Variants in COG3 observed in about 807,000 individuals in gnomAD.
COG3 encodes the protein component of oligomeric golgi complex 3.
A neutral mutation model predicts 114.1 loss-of-function variants in COG3; 32 were observed. The observed-to-expected ratio is 0.28, with a 90% CI of 0.21 to 0.38. The LOEUF (loss-of-function observed/expected upper bound fraction) is 0.38, where lower values mean the gene tolerates loss of function less well. Among genes scored for constraint, COG3 ranks in the 10% least tolerant of loss-of-function variants. The probability of loss-of-function intolerance (pLI) is 1.00; values close to 1 mark genes in which losing one functional copy is unlikely to be tolerated. For synonymous variants in COG3, 352 were observed against 365.7 expected (o/e 0.96, Z 0.43); for missense variants, 813 against 973.2 (o/e 0.84, Z 2.19).
rs548827057 is a variant in COG3, at chr13:45,493,428, G to C, written c.1269G>C (p.Leu423=). 1 of 1,613,400 alleles carries C rather than the reference G, an allele frequency of 6.2e-7. No homozygotes were observed. The highest frequency in any genetic ancestry group is 8.5e-7 in the Non-Finnish European group (1 of 1,179,550). Residue 423 remains leucine (L), a synonymous_variant, in exon 12 of 23, where the codon CTG becomes CTC. Coordinates refer to ENST00000349995, the MANE Select transcript of COG3 (RefSeq NM_031431.4). Reference sequence around the variant, plus strand: ...TTCATGTTATTCACTTAGAGACTCTGTCGGAACTTTGTGGGATTCTTAAAA... The same window carrying C: ...TTCATGTTATTCACTTAGAGACTCTCTCGGAACTTTGTGGGATTCTTAAAA... ...LIIHVIHLET[L]SELCGILKNE... is the part of the protein sequence containing the mutation.
At chr13:45,508,399 T>TACACACAC (rs1368357655) in intron 14 of COG3, among the ~76,000 whole-genome samples, 1 of 99,232 alleles carries the variant, frequency 1.0e-5, no homozygotes, top group Non-Finnish European at 1.9e-5. Context: ...TATATATATA[T>TACACACAC]ATATACACAC....
Position 45,529,876 on chromosome 13 carries a change from A to G in COG3, c.2316A>G (p.Leu772=), listed in dbSNP as rs765583488. The G allele has an allele frequency of 1.2e-6, 2 of 1,612,986 alleles. No individual in the cohort carries two copies. Among genetic ancestry groups the G allele is most frequent in the East Asian group, 4.5e-5 (2 of 44,836 alleles). The change falls in exon 21 of 23, where the codon CTA becomes CTG. Residue 772 remains leucine (L), a synonymous_variant. Transcript: ENST00000349995. ...CATTGAGAAGTATGTCCTTGTACCTATCCAATAAAGATACCGAGTTCATCT... is the reference window on the plus strand; with the variant it reads ...CATTGAGAAGTATGTCCTTGTACCTGTCCAATAAAGATACCGAGTTCATCT... The part of the protein sequence containing the change: ...PVTLRSMSLY[L]SNKDTEFILF...
At chr13:45,511,045 T>G (rs2860392) in intron 15 of COG3, among the ~76,000 whole-genome samples, 137,545 of 152,250 alleles carry the variant, frequency 0.9, 62,260 homozygotes, top group African/African-American at 0.94. Context: ...AGGCTGGGAG[T>G]GAAGCAAGGG....
chr13:45,491,339 A>G, intron 9 of COG3, 73 bp from the exon 10 acceptor site: 1 of 1,511,448 alleles, frequency 6.6e-7, no homozygotes, highest in Non-Finnish European at 8.9e-7. Flanking sequence ...TTGGCAACCT[A>G]CACTGGGATT....
chr13:45,505,153 C>T (rs1043275543), intron 14 of COG3, among the ~76,000 whole-genome samples: 1 of 150,708 alleles, frequency 6.6e-6, no homozygotes, highest in Non-Finnish European at 1.5e-5. Context: ...TGCCACTGTA[C>T]TCCAGCCTGG....
At chr13:45,529,257 T>C (rs918924770) in intron 20 of COG3, among the ~76,000 whole-genome samples, 1 of 152,212 alleles carries the variant, frequency 6.6e-6, no homozygotes, top group Non-Finnish European at 1.5e-5. Flanking sequence ...CACTTGGGTT[T>C]CATAGTTATT....
chr13:45,488,136 A>C (rs1036377424), intron 8 of COG3, among the ~76,000 whole-genome samples: 1 of 152,122 alleles, frequency 6.6e-6, no homozygotes, highest in African/African-American at 2.4e-5. Flanking sequence ...AGAAAGACAA[A>C]TATTGTATGT....
At chr13:45,482,944 A>C (rs761770129) in intron 6 of COG3, among the ~76,000 whole-genome samples, 7 of 152,160 alleles carry the variant, frequency 4.6e-5, no homozygotes, top group Non-Finnish European at 5.9e-5. Flanking sequence ...TTCTTTTCCT[A>C]GTTGGGTCTT....
Position 45,464,951 on chromosome 13 carries a change from G to GCT in COG3, c.-84_-83dup. On this transcript the variant is annotated 5_prime_UTR_variant, in exon 1 of 23. Coordinates refer to ENST00000349995, the MANE Select transcript of COG3 (RefSeq NM_031431.4). The stretch of plus-strand genomic sequence containing the variant: ...CCCCGCCGCCGGTGCAGTGTTGGAA[G>GCT]CTCCGGTTCTCCCGGAAGTGGCCCA... The GCT allele has an allele frequency of 6.8e-7, 1 of 1,472,016 alleles. No individual in the cohort carries two copies. Among genetic ancestry groups the GCT allele is most frequent in the Non-Finnish European group, 8.9e-7 (1 of 1,118,024 alleles). The allele number at this position is 1,472,016 out of a possible 1,614,324, so 91.2% of individuals were successfully genotyped here.
intron 7 of COG3, among the ~76,000 whole-genome samples, chr13:45,485,131 G>A (rs1157415025): frequency 6.7e-6 from 1 of 149,888 alleles, no homozygotes; most frequent in Non-Finnish European, 1.5e-5. Flanking sequence ...CTCCCAGACG[G>A]GGCGGTGGCC....
chr13:45,520,835 C>G (rs1169396140), intron 19 of COG3, among the ~76,000 whole-genome samples: 1 of 152,188 alleles, frequency 6.6e-6, no homozygotes, highest in Non-Finnish European at 1.5e-5. Context: ...TTTACTGAAA[C>G]TACCCTTGTG....
rs1239556016 is a variant in COG3, at chr13:45,500,112, A to G, written c.1489-3132A>G. On this transcript the variant is annotated intron_variant, in intron 13 of 22. Coordinates refer to ENST00000349995, the MANE Select transcript of COG3 (RefSeq NM_031431.4). Reference sequence around the variant, plus strand: ...TGTGTGTGTATATATATATATATATATATAAAAAAGAGGCCTGATTATTTT... The same window carrying G: ...TGTGTGTGTATATATATATATATATGTATAAAAAAGAGGCCTGATTATTTT... 9.6e-3 allele frequency among the ~76,000 whole-genome samples: 1,114 copies of G among 116,262 alleles called. 9 individuals are homozygous for G. Among genetic ancestry groups the G allele is most frequent in the Middle Eastern group, 0.029 (6 of 208 alleles). 76.3% of individuals were successfully genotyped at this position (116,262 alleles called of 152,430 possible).
intron 19 of COG3, among the ~76,000 whole-genome samples, chr13:45,521,099 G>A (rs1872083223): frequency 6.6e-6 from 1 of 152,192 alleles, no homozygotes; most frequent in Non-Finnish European, 1.5e-5. Flanking sequence ...GTGGGAGGAT[G>A]GCTGAGCCCA....
At chr13:45,508,425 CATACACAT>C (rs1456295762) in intron 14 of COG3, among the ~76,000 whole-genome samples, 4 of 115,624 alleles carry the variant, frequency 3.5e-5, no homozygotes, top group African/African-American at 8.8e-5. Flanking sequence ...CACACACACA[CATACACAT>C]ATATATACAT....
chr13:45,474,148 ACT>A lies in COG3; in HGVS notation c.175-2050_175-2049del, dbSNP rs1198531674. 3.2e-5 allele frequency among the ~76,000 whole-genome samples: 3 copies of A among 94,348 alleles called. No individual in the cohort carries two copies. In the East Asian group the frequency reaches 9.5e-4, roughly 30 times the overall value. 61.9% of individuals were successfully genotyped at this position (94,348 alleles called of 152,430 possible). Reference sequence around the variant, plus strand: ...TTCCCACATCTTTGTTTTCTTTTTTACTCTTTTTTTTTTTTTTTTTTTTTTTT... The same window carrying A: ...TTCCCACATCTTTGTTTTCTTTTTTACTTTTTTTTTTTTTTTTTTTTTTTT... On this transcript the variant is annotated intron_variant, in intron 1 of 22. Coordinates refer to ENST00000349995, the MANE Select transcript of COG3 (RefSeq NM_031431.4).
chr13:45,529,972 G>A, intron 21 of COG3, 54 bp downstream of exon 21: 1 of 1,551,574 alleles, frequency 6.4e-7, no homozygotes, highest in Non-Finnish European at 8.7e-7. Context: ...AGTATTCTTT[G>A]CCTCATTTAC....
chr13:45,509,870 AT>A, intron 15 of COG3, 54 bp downstream of exon 15: 1 of 1,447,380 alleles, frequency 6.9e-7, no homozygotes, highest in Non-Finnish European at 9.4e-7. Context: ...ATATTTTTAA[AT>A]TTACATTTTA....
chr13:45,467,597 A>AAAAAG (rs58950475), intron 1 of COG3, among the ~76,000 whole-genome samples: 15,174 of 152,092 alleles, frequency 0.1, 2,128 homozygotes, highest in African/African-American at 0.31. Context: ...TCTGTCTCAA[A>AAAAAG]AAGAATGCAG....
chr13:45,503,359 G>GATGTCTTA lies in COG3; in HGVS notation c.1594+12_1594+19dup. Reference sequence around the variant, plus strand: ...AGTCTGACAAAATCTGGTATGTTATGATGTCTTAACTGCCAGCATTTATTC... The same window carrying GATGTCTTA: ...AGTCTGACAAAATCTGGTATGTTATGATGTCTTAATGTCTTAACTGCCAGCATTTATTC... On this transcript the variant is annotated intron_variant, in intron 14 of 22. Coordinates refer to ENST00000349995, the MANE Select transcript of COG3 (RefSeq NM_031431.4). 7.4e-7 allele frequency: 1 copy of GATGTCTTA among 1,352,190 alleles called. No individual in the cohort carries two copies. Among genetic ancestry groups the GATGTCTTA allele is most frequent in the Non-Finnish European group, 1.1e-6 (1 of 941,810 alleles). The allele number at this position is 1,352,190 out of a possible 1,614,324, so 83.8% of individuals were successfully genotyped here.
Sources: gnomAD v4.1 joint callset for allele counts (sites outside exome capture counted in the v4.1 genomes callset) on GRCh38, gnomAD v4.1.1 for gene constraint, MANE v1.5 for transcripts, NCBI Gene and HGNC (gene_info 2026-07-23, HGNC 2026-07-21) for gene names.